DHRS7B: variants seen among roughly 807,000 people sequenced by gnomAD.
DHRS7B encodes the protein peroxisomal reductase activating PPAR-gamma.
In DHRS7B, 24 loss-of-function variants were observed where a neutral mutation model predicts 26.4. The observed-to-expected ratio is 0.91, with a 90% CI of 0.66 to 1.28. The LOEUF (loss-of-function observed/expected upper bound fraction) is 1.28. Ranked by LOEUF, DHRS7B falls within the 50% of genes most tolerant of loss-of-function variation. DHRS7B has a pLI of 0.00. For synonymous variants in DHRS7B, 142 were observed against 166.4 expected, an observed-to-expected ratio of 0.85 and a Z score of 1.13; for missense variants, 368 against 419.4, an observed-to-expected ratio of 0.88 and a Z score of 1.07.
chr17:21,144,546 G>A (rs941345715), intron 1 of DHRS7B, among the ~76,000 whole-genome samples: 2 of 152,182 alleles, frequency 1.3e-5, no homozygotes, highest in Non-Finnish European at 2.9e-5. Context: ...GGCTGGGCAT[G>A]GTGACTCACG....
At chr17:21,132,530 CA>C (rs34728939) in intron 1 of DHRS7B, among the ~76,000 whole-genome samples, 17,867 of 81,300 alleles carry the variant, frequency 0.22, 849 homozygotes, top group East Asian at 0.3. Flanking sequence ...GACCTTGTCT[CA>C]AAAAAAAAAA....
At chr17:21,153,729 A>G (rs934612447) in intron 1 of DHRS7B, among the ~76,000 whole-genome samples, 4 of 152,156 alleles carry the variant, frequency 2.6e-5, no homozygotes, top group Non-Finnish European at 5.9e-5. Flanking sequence ...ACGGGATAGA[A>G]TGGGTGAAAA....
At chr17:21,189,148 A>C (rs1267741830) in intron 6 of DHRS7B, among the ~76,000 whole-genome samples, 1 of 152,220 alleles carries the variant, frequency 6.6e-6, no homozygotes, top group Non-Finnish European at 1.5e-5. Context: ...CTGAAATGCC[A>C]ACAGACTTCC....
At chr17:21,171,729 CTG>C in intron 1 of DHRS7B, 1 of 520,278 alleles carries the variant, frequency 1.9e-6, no homozygotes, top group Non-Finnish European at 3.5e-6. Flanking sequence ...TCCTGTAACA[CTG>C]TGGGTGACTA....
chr17:21,126,990 A>G lies in DHRS7B; in HGVS notation c.19A>G (p.Arg7Gly). The change falls in exon 1 of 7, where the codon AGG (arginine) becomes GGG (glycine). Residue 7 changes from arginine to glycine, a missense_variant and splice_region_variant. Transcript: ENST00000395511. MVSPAT[R>G]KSLPKVKAMD... is the part of the protein sequence containing the mutation. ...ATTGACTATGGTCTCTCCGGCTACC[A>G]GGTAGGGGCTGGGGAAGAAGGAACC... 6.5e-7 allele frequency: 1 copy of G among 1,529,344 alleles called. No individual in the cohort carries two copies. The highest frequency in any genetic ancestry group is 8.8e-7 in the Non-Finnish European group (1 of 1,138,162). The allele number at this position is 1,529,344 out of a possible 1,614,324, so 94.7% of individuals were successfully genotyped here. A position where few individuals can be genotyped will look rare whatever the true frequency, so the allele number is the denominator to read the frequency against.
chr17:21,151,317 A>G lies in DHRS7B; in HGVS notation c.21-20701A>G, dbSNP rs369677218. On this transcript the variant is annotated intron_variant, in intron 1 of 6. Coordinates refer to ENST00000395511, the MANE Select transcript of DHRS7B (RefSeq NM_015510.5). ...GTTGGAGTTCAAGACCAGCCTGGCCAAGATGGTGAAACCCTGTCTCTACTA... is the reference window on the plus strand; with the variant it reads ...GTTGGAGTTCAAGACCAGCCTGGCCGAGATGGTGAAACCCTGTCTCTACTA... Among the ~76,000 whole-genome samples, 13 of 152,208 alleles carry G rather than the reference A, an allele frequency of 8.5e-5. 1 individual carries two copies. The highest frequency in any genetic ancestry group is 3.1e-4 in the African/African-American group (13 of 41,524).
chr17:21,142,123 G>A (rs1459295579), intron 1 of DHRS7B, among the ~76,000 whole-genome samples: 2 of 152,088 alleles, frequency 1.3e-5, no homozygotes, highest in South Asian at 2.1e-4. Context: ...CTTAAAATCC[G>A]AGCTCTTCAG....
intron 1 of DHRS7B, among the ~76,000 whole-genome samples, chr17:21,141,945 G>A (rs960411476): frequency 3.3e-5 from 5 of 152,124 alleles, no homozygotes; most frequent in African/African-American, 4.8e-5. Flanking sequence ...TACCCCCATG[G>A]TTACCAAAAT....
At chr17:21,147,656 A>G (rs986564088) in intron 1 of DHRS7B, among the ~76,000 whole-genome samples, 3 of 152,186 alleles carry the variant, frequency 2.0e-5, no homozygotes, top group Non-Finnish European at 4.4e-5. Flanking sequence ...GACTGAGATG[A>G]ACAACCAACA....
chr17:21,177,103 A>G (rs1312288299), intron 2 of DHRS7B, among the ~76,000 whole-genome samples: 3 of 152,032 alleles, frequency 2.0e-5, no homozygotes, highest in African/African-American at 7.2e-5. Flanking sequence ...CTGCTTAGCC[A>G]CAGGAGAATT....
At chr17:21,188,139 C>T (rs983403816) in intron 5 of DHRS7B, among the ~76,000 whole-genome samples, 6 of 152,216 alleles carry the variant, frequency 3.9e-5, no homozygotes, top group African/African-American at 7.2e-5. Flanking sequence ...TGTGAGCCAC[C>T]GCGCCCAGCT....
At chr17:21,138,101 T>TATATACACACACACACAC (rs1555536219) in intron 1 of DHRS7B, among the ~76,000 whole-genome samples, 1 of 86,146 alleles carries the variant, frequency 1.2e-5, no homozygotes, top group Non-Finnish European at 2.0e-5. Flanking sequence ...TATATATATA[T>TATATACACACACACACAC]ACACACACAC....
intron 1 of DHRS7B, among the ~76,000 whole-genome samples, chr17:21,152,901 T>C (rs1255416251): frequency 6.6e-6 from 1 of 151,410 alleles, no homozygotes; most frequent in Non-Finnish European, 1.5e-5. Context: ...CTAATAGGAC[T>C]GTAGAACACT....
At chr17:21,189,909 T>C (rs1342017739) in intron 6 of DHRS7B, among the ~76,000 whole-genome samples, 1 of 152,218 alleles carries the variant, frequency 6.6e-6, no homozygotes, top group East Asian at 1.9e-4. Context: ...GGTCAACACC[T>C]GAAATCTCAG....
intron 1 of DHRS7B, among the ~76,000 whole-genome samples, chr17:21,143,173 C>T (rs1341679970): frequency 2.0e-5 from 3 of 152,186 alleles, no homozygotes; most frequent in Non-Finnish European, 4.4e-5. Context: ...GTGATCCGCC[C>T]ACCTCGGCTT....
chr17:21,138,986 A>T (rs1480369944), intron 1 of DHRS7B, among the ~76,000 whole-genome samples: 1 of 152,222 alleles, frequency 6.6e-6, no homozygotes, highest in African/African-American at 2.4e-5. Context: ...AAGTTATGAA[A>T]CCACCATTGC....
At chr17:21,156,332 G>A (rs548920530) in intron 1 of DHRS7B, among the ~76,000 whole-genome samples, 21 of 152,298 alleles carry the variant, frequency 1.4e-4, no homozygotes, top group East Asian at 1.9e-4. Flanking sequence ...GTAGCCGGGC[G>A]TGGGGGTTCA....
intron 1 of DHRS7B, among the ~76,000 whole-genome samples, chr17:21,133,617 A>G (rs1973285023): frequency 6.6e-6 from 1 of 152,216 alleles, no homozygotes; most frequent in Admixed American, 6.5e-5. Flanking sequence ...TTTTCCTTTC[A>G]CATTTCCCCA....
At chr17:21,149,937 T>G (rs1405066804) in intron 1 of DHRS7B, among the ~76,000 whole-genome samples, 3 of 152,028 alleles carry the variant, frequency 2.0e-5, no homozygotes, top group Non-Finnish European at 4.4e-5. Context: ...TGAATGTTAA[T>G]GAACTCAGTT....
Sources: allele counts gnomAD v4.1 joint callset (sites outside exome capture counted in the v4.1 genomes callset), GRCh38; gene constraint gnomAD v4.1.1; transcripts MANE v1.5; gene names NCBI Gene and HGNC (gene_info 2026-07-23, HGNC 2026-07-21).